The following PGLYRP1 variants were observed in gnomAD, a reference collection of about 807,000 sequenced individuals.
PGLYRP1 encodes TNF superfamily, member 3 (LTB)-like (peptidoglycan recognition protein).
Under a neutral mutation model 16.3 loss-of-function variants are expected in PGLYRP1, and 18 were observed. That is an observed-to-expected ratio of 1.11 (90% CI 0.77 to 1.64). PGLYRP1 has a LOEUF of 1.64. Ranked by LOEUF, PGLYRP1 falls within the 40% of genes most tolerant of loss-of-function variation. The pLI is 0.00. For missense variants in PGLYRP1, 261 were observed against 268.6 expected (o/e 0.97, Z 0.20); for synonymous variants, 89 against 105.7 (o/e 0.84, Z 0.97).
In PGLYRP1 at chr19:46,019,713, T is replaced by C; in HGVS notation, c.288-66A>G. On this transcript the variant is annotated intron_variant, in intron 1 of 2. Coordinates refer to ENST00000008938, the MANE Select transcript of PGLYRP1 (RefSeq NM_005091.3). This position sits in a 1 kb window ranked among gnomAD's most constrained non-coding sequence, Gnocchi z 4.8. ...TTTCCCGAGGAGGACTCCTCCTCCT[T>C]CCTCCACTCACCCTGCCTCCGTTAC... The C allele has an allele frequency of 6.6e-7, 1 of 1,524,390 alleles. No individual in the cohort carries two copies. The allele number at this position is 1,524,390 out of a possible 1,614,324, so 94.4% of individuals were successfully genotyped here. A position where few individuals can be genotyped will look rare whatever the true frequency, so the allele number is the denominator to read the frequency against.
intron 1 of PGLYRP1, among the ~76,000 whole-genome samples, chr19:46,020,099 C>T (rs901675708): frequency 6.9e-6 from 1 of 145,248 alleles, no homozygotes; most frequent in African/African-American, 2.6e-5. Context: ...CCCTCTGAGG[C>T]AGAGACTTTT....
chr19:46,019,219 G>C lies in PGLYRP1; in HGVS notation c.*19C>G, dbSNP rs774270367. ...TTTGGCCATGGGAGGGGAGGAATGG[G>C]GTGCGGATCAGCAGGGCCTCAGGGG... On this transcript the variant is annotated 3_prime_UTR_variant, in exon 3 of 3. Coordinates refer to ENST00000008938, the MANE Select transcript of PGLYRP1 (RefSeq NM_005091.3). This position sits in a 1 kb window ranked among gnomAD's most constrained non-coding sequence, Gnocchi z 4.8. The C allele has an allele frequency of 6.2e-7, 1 of 1,610,586 alleles. No individual in the cohort carries two copies. Among genetic ancestry groups the C allele is most frequent in the South Asian group, 1.1e-5 (1 of 90,936 alleles).
chr19:46,020,508 G>C (rs1028877599), intron 1 of PGLYRP1, among the ~76,000 whole-genome samples: 1 of 152,168 alleles, frequency 6.6e-6, no homozygotes. Context: ...CTGCCTCTCA[G>C]AACTCTGCCT....
At chr19:46,020,371 A>C (rs1053339392) in intron 1 of PGLYRP1, among the ~76,000 whole-genome samples, 2 of 152,066 alleles carry the variant, frequency 1.3e-5, no homozygotes, top group Non-Finnish European at 2.9e-5. Context: ...TGGCCTCCCA[A>C]AGTGCTGGGA....
At position 46,019,317 on chromosome 19, in the gene PGLYRP1, CGGT is replaced by C; in HGVS notation, c.509_511del (p.His170del). ...TGGAGAGAGTGTACGCTGCACATCC[CGGT>C]GTCCTTTGAGCACATAGTTGGACCT... On this transcript the variant is annotated inframe_deletion, in exon 3 of 3. Transcript: ENST00000008938. This position sits in a 1 kb window ranked among gnomAD's most constrained non-coding sequence, Gnocchi z 4.8. 1 of 1,613,838 alleles carries C rather than the reference CGGT, an allele frequency of 6.2e-7. No homozygotes were observed. Among genetic ancestry groups the C allele is most frequent in the Non-Finnish European group, 8.5e-7 (1 of 1,179,916 alleles).
rs1339100062 is a variant in PGLYRP1 at position 46,019,682 on chromosome 19, G to T, written c.288-35C>A. The T allele has an allele frequency of 1.3e-6, 2 of 1,599,624 alleles. No homozygotes were observed. Among genetic ancestry groups the T allele is most frequent in the Non-Finnish European group, 1.7e-6 (2 of 1,174,404 alleles). ...GAGGTGGGGGGGCTTGATGAGTGAG[G>T]GAGGGTTTCCCGAGGAGGACTCCTC... On this transcript the variant is annotated intron_variant, in intron 1 of 2. Transcript: ENST00000008938. The surrounding 1 kb of genome is among the most constrained non-coding windows in gnomAD (Gnocchi z 4.8).
Position 46,022,865 on chromosome 19 carries a change from G to C in PGLYRP1, c.157C>G (p.Pro53Ala). 3 of 1,613,342 alleles carry C rather than the reference G, an allele frequency of 1.9e-6. No individual in the cohort carries two copies. The highest frequency in any genetic ancestry group is 2.5e-6 in the Non-Finnish European group (3 of 1,179,680). The change falls in exon 1 of 3, where the codon CCC becomes GCC. Residue 53 changes from proline to alanine, a missense_variant. By Grantham distance (27) the Pro-to-Ala change is conservative. Transcript: ENST00000008938. Reference sequence around the variant, plus strand: ...TGCGATACCACCACATAGCGTAAGGGCAGGCTCAGGTGCTGGGCGCACTCT... The same window carrying C: ...TGCGATACCACCACATAGCGTAAGGCCAGGCTCAGGTGCTGGGCGCACTCT... ...ASECAQHLSLPLRYVVVSHTA... is the reference protein window; with the variant it reads ...ASECAQHLSLALRYVVVSHTA...
chr19:46,019,452 G>A lies in PGLYRP1; in HGVS notation c.410-33C>T, dbSNP rs1175305282. ...AGGCAGAGGTAGGAGTCAGGCAGGGGCTTCCCCGAAGGGGAAGTGATAGCG... is the reference window on the plus strand; with the variant it reads ...AGGCAGAGGTAGGAGTCAGGCAGGGACTTCCCCGAAGGGGAAGTGATAGCG... On this transcript the variant is annotated intron_variant, in intron 2 of 2. Transcript: ENST00000008938. This position sits in a 1 kb window ranked among gnomAD's most constrained non-coding sequence, Gnocchi z 4.8. 2 of 1,611,540 alleles carry A rather than the reference G, an allele frequency of 1.2e-6. No homozygotes were observed. The highest frequency in any genetic ancestry group is 1.7e-6 in the Non-Finnish European group (2 of 1,178,434).
At chr19:46,021,632 A>G (rs982640442) in intron 1 of PGLYRP1, among the ~76,000 whole-genome samples, 3 of 152,050 alleles carry the variant, frequency 2.0e-5, no homozygotes, top group Non-Finnish European at 4.4e-5. Context: ...TTCAGCCGGC[A>G]CCCCTTACAG....
rs910341272 is a variant in PGLYRP1 at position 46,019,319 on chromosome 19, G to A, written c.510C>T (p.His170=). ...ALRSNYVLKG[H]RDVQRTLSPG... is the part of the protein sequence containing the mutation. ...GAGAGAGTGTACGCTGCACATCCCGGTGTCCTTTGAGCACATAGTTGGACC... is the reference window on the plus strand; with the variant it reads ...GAGAGAGTGTACGCTGCACATCCCGATGTCCTTTGAGCACATAGTTGGACC... The change falls in exon 3 of 3, where the codon CAC becomes CAT. Residue 170 remains histidine, a synonymous_variant. Transcript: ENST00000008938. The surrounding 1 kb of genome is among the most constrained non-coding windows in gnomAD (Gnocchi z 4.8). 1 of 1,613,912 alleles carries A rather than the reference G, an allele frequency of 6.2e-7. No homozygotes were observed. The highest frequency in any genetic ancestry group is 1.3e-5 in the African/African-American group (1 of 74,984).
rs1477306618 is a variant in PGLYRP1 at position 46,022,732 on chromosome 19, CACTT to C, written c.286_287+2del. The C allele has an allele frequency of 6.2e-7, 1 of 1,614,056 alleles. No homozygotes were observed. Among genetic ancestry groups the C allele is most frequent in the Non-Finnish European group, 8.5e-7 (1 of 1,179,962 alleles). On this transcript the variant is annotated splice_donor_variant and coding_sequence_variant, in exon 1 of 3. Coordinates refer to ENST00000008938, the MANE Select transcript of PGLYRP1 (RefSeq NM_005091.3). LOFTEE classifies it high-confidence loss of function. ...CCAGCCCGTGCCCCCCTGCCACACT[CACTT>C]GTAGCCCACGTCGCACCAGCCCAGT... is the stretch of plus-strand genomic sequence containing the variant.
intron 1 of PGLYRP1, chr19:46,021,221 G>C (rs190640821): frequency 6.6e-6 from 1 of 152,214 alleles, no homozygotes. Flanking sequence ...CCCGAGGCTC[G>C]GGCCTTCGTG....
In PGLYRP1 at chr19:46,022,807, G is replaced by A. The variant is rs745422664; in HGVS notation, c.215C>T (p.Ser72Leu). 17 of 1,614,076 alleles carry A rather than the reference G, an allele frequency of 1.1e-5. No individual in the cohort carries two copies. The highest frequency in any genetic ancestry group is 1.7e-5 in the Admixed American group (1 of 60,006). ...CACATTCCGGGCCTGCTGCTGGCAC[G>A]AGGCGGGGGTGTTGCAGCTGCTGCC... ...TAGSSCNTPA[S>L]CQQQARNVQH... Residue 72 changes from serine (S) to leucine (L), a missense_variant, in exon 1 of 3, where the codon TCG becomes TTG. By Grantham distance (145) the Ser-to-Leu change is moderately radical (BLOSUM62 -2). Coordinates refer to ENST00000008938, the MANE Select transcript of PGLYRP1 (RefSeq NM_005091.3).
rs899505608 is a variant in PGLYRP1 at position 46,019,559 on chromosome 19, A to G, written c.376T>C (p.Ser126Pro). The G allele has an allele frequency of 6.2e-7, 1 of 1,614,024 alleles. No homozygotes were observed. ...AHSGHLWNPMSIGISFMGNYM... is the reference protein window; with the variant it reads ...AHSGHLWNPMPIGISFMGNYM... ...TTGCCCATGAAGCTGATGCCAATGGACATGGGGTTCCATAAGTGACCTGAG... is the reference window on the plus strand; with the variant it reads ...TTGCCCATGAAGCTGATGCCAATGGGCATGGGGTTCCATAAGTGACCTGAG... Residue 126 changes from serine to proline, a missense_variant, in exon 2 of 3, where the codon TCC (serine) becomes CCC (proline). Transcript: ENST00000008938. This position sits in a 1 kb window ranked among gnomAD's most constrained non-coding sequence, Gnocchi z 4.8.
rs373736255 is a variant in PGLYRP1 at position 46,019,224 on chromosome 19, G to A, written c.*14C>T. 1.1e-5 allele frequency: 18 copies of A among 1,612,000 alleles called. No individual in the cohort carries two copies. The highest frequency in any genetic ancestry group is 1.6e-4 in the Middle Eastern group (1 of 6,078). ...CCATGGGAGGGGAGGAATGGGGTGC[G>A]GATCAGCAGGGCCTCAGGGGGAGCG... On this transcript the variant is annotated 3_prime_UTR_variant, in exon 3 of 3. Transcript: ENST00000008938. This position sits in a 1 kb window ranked among gnomAD's most constrained non-coding sequence, Gnocchi z 4.8.
chr19:46,019,241 G>C lies in PGLYRP1; in HGVS notation c.588C>G (p.Pro196=), dbSNP rs138243661. ...LIQNWPHYRS[P] ...TGGGGTGCGGATCAGCAGGGCCTCAGGGGGAGCGGTAGTGTGGCCAATTCT... is the reference window on the plus strand; with the variant it reads ...TGGGGTGCGGATCAGCAGGGCCTCACGGGGAGCGGTAGTGTGGCCAATTCT... Residue 196 remains proline, a synonymous_variant, in exon 3 of 3, where the codon CCC becomes CCG. Coordinates refer to ENST00000008938, the MANE Select transcript of PGLYRP1 (RefSeq NM_005091.3). This position sits in a 1 kb window ranked among gnomAD's most constrained non-coding sequence, Gnocchi z 4.8. 68 of 1,613,462 alleles carry C rather than the reference G, an allele frequency of 4.2e-5. No homozygotes were observed. The African/African-American group carries it at 8.0e-4, about 19-fold the overall frequency.
At chr19:46,022,607 A>T (rs1200587982) in intron 1 of PGLYRP1, 128 bp downstream of exon 1, 3 of 1,024,778 alleles carry the variant, frequency 2.9e-6, no homozygotes, top group Non-Finnish European at 2.9e-6. Context: ...TGTGAGGTTC[A>T]GTAAGCTGCT....
chr19:46,022,556 C>T (rs1186427798), intron 1 of PGLYRP1, among the ~76,000 whole-genome samples, 179 bp downstream of exon 1: 4 of 152,254 alleles, frequency 2.6e-5, no homozygotes, highest in African/African-American at 7.2e-5. Flanking sequence ...GCTGTGAGCA[C>T]CTGCCCCGGC....
Position 46,019,768 on chromosome 19 carries a change from C to T in PGLYRP1, c.288-121G>A, listed in dbSNP as rs1329803154. 10 of 1,005,620 alleles carry T rather than the reference C, an allele frequency of 9.9e-6. No homozygotes were observed. The highest frequency in any genetic ancestry group is 1.6e-5 in the African/African-American group (1 of 61,494). The allele number at this position is 1,005,620 out of a possible 1,614,324, so 62.3% of individuals were successfully genotyped here. On this transcript the variant is annotated intron_variant, in intron 1 of 2. Coordinates refer to ENST00000008938, the MANE Select transcript of PGLYRP1 (RefSeq NM_005091.3). This position sits in a 1 kb window ranked among gnomAD's most constrained non-coding sequence, Gnocchi z 4.8. The stretch of plus-strand genomic sequence containing the variant: ...GTGGTGCACACAACTTCCCCAGCAT[C>T]CTTCTCACCCGTTAATTTCCCACGA...
Sources: gnomAD v4.1 joint callset for allele counts (sites outside exome capture counted in the v4.1 genomes callset) on GRCh38, gnomAD v4.1.1 for gene constraint, Gnocchi (gnomAD v3.1) non-coding constraint, MANE v1.5 for transcripts, NCBI Gene and HGNC (gene_info 2026-07-23, HGNC 2026-07-21) for gene names.